Variants in FBLN2 observed in about 807,000 individuals in gnomAD.
FBLN2 encodes the protein fibulin 2.
FBLN2 carries 81 observed loss-of-function variants against 123.7 expected under a neutral mutation model. The observed-to-expected ratio is 0.65, with a 90% CI of 0.55 to 0.79. The LOEUF is 0.79. Among genes scored for constraint, FBLN2 ranks in the 30% least tolerant of loss-of-function variants. The pLI is 0.00. For synonymous variants in FBLN2, 699 were observed against 701.4 expected, an observed-to-expected ratio of 1.00 and a Z score of 0.05; for missense variants, 1,603 against 1,681.3, an observed-to-expected ratio of 0.95 and a Z score of 0.81.
At chr3:13,549,301 T>C in intron 1 of FBLN2, 93 bp downstream of exon 1, 1 of 838,826 alleles carries the variant, frequency 1.2e-6, no homozygotes, top group Non-Finnish European at 1.4e-6. Context: ...CACCGACGGC[T>C]CGGCGGACCC....
At chr3:13,560,503 T>C (rs1703574295) in intron 1 of FBLN2, among the ~76,000 whole-genome samples, 1 of 152,176 alleles carries the variant, frequency 6.6e-6, no homozygotes, top group African/African-American at 2.4e-5. Flanking sequence ...ACCTGTGTCA[T>C]CAGCCTCACC....
Position 13,608,161 on chromosome 3 carries a change from A to G in FBLN2, c.1406A>G (p.Asp469Gly), listed in dbSNP as rs764921625. 3 of 1,587,372 alleles carry G rather than the reference A, an allele frequency of 1.9e-6. No individual in the cohort carries two copies. The change falls in exon 3 of 18, where the codon GAC becomes GGC. Residue 469 changes from aspartate (D) to glycine (G), a missense_variant. Physicochemically the swap from Asp to Gly is moderately conservative, Grantham distance 94. Coordinates refer to ENST00000404922, the MANE Select transcript of FBLN2 (RefSeq NM_001004019.2). The part of the protein sequence containing the change: ...CLEIPESGTE[D>G]NVCRTAQRHC... The stretch of plus-strand genomic sequence containing the variant: ...GAGATCCCTGAGAGTGGCACTGAGG[A>G]CAACGTCTGCAGGTAGGGTGGGCTC...
intron 1 of FBLN2, 111 bp from the exon 2 acceptor site, chr3:13,570,204 G>A (rs532181265): frequency 4.5e-5 from 52 of 1,159,516 alleles, no homozygotes; most frequent in South Asian, 1.2e-4. Flanking sequence ...GGGGATGAGC[G>A]CATGCGTGTG....
intron 13 of FBLN2, 132 bp downstream of exon 13, chr3:13,629,424 C>A: frequency 7.8e-7 from 1 of 1,281,276 alleles, no homozygotes; most frequent in Non-Finnish European, 1.0e-6. Context: ...ACAAGGTCGC[C>A]TTCCAGCTGG....
chr3:13,574,464 A>G (rs1704068077), intron 2 of FBLN2, among the ~76,000 whole-genome samples: 1 of 152,150 alleles, frequency 6.6e-6, no homozygotes, highest in South Asian at 2.1e-4. Flanking sequence ...CCTTCTTCCC[A>G]GCCCAGGGAG....
chr3:13,618,151 G>T lies in FBLN2; in HGVS notation c.1805G>T (p.Gly602Val). 1 of 1,613,720 alleles carries T rather than the reference G, an allele frequency of 6.2e-7. No homozygotes were observed. Among genetic ancestry groups the T allele is most frequent in the Non-Finnish European group, 8.5e-7 (1 of 1,179,910 alleles). ...TEAELPNSLP[G>V]DDQDECLLLP... ...GCCGAGCTGCCGAACAGCCTGCCGG[G>T]CGATGACCAGGATGAGTGCCTTCTC... The change falls in exon 6 of 18, where the codon GGC (glycine) becomes GTC (valine). Residue 602 changes from glycine (G) to valine (V), a missense_variant. By Grantham distance (109) the Gly-to-Val change is moderately radical. Transcript: ENST00000404922.
chr3:13,613,820 A>G, intron 4 of FBLN2, 164 bp from the exon 5 acceptor site: 3 of 655,524 alleles, frequency 4.6e-6, no homozygotes, highest in South Asian at 4.8e-5. Context: ...CCTGTGCCAG[A>G]CTTGGGAAAT....
intron 1 of FBLN2, among the ~76,000 whole-genome samples, chr3:13,557,280 C>T (rs1360698457): frequency 1.3e-5 from 2 of 152,224 alleles, no homozygotes; most frequent in Non-Finnish European, 2.9e-5. Context: ...TAGTCTACTG[C>T]AGGGACACAT....
chr3:13,559,506 T>C (rs996223206), intron 1 of FBLN2, among the ~76,000 whole-genome samples: 4 of 152,112 alleles, frequency 2.6e-5, no homozygotes, highest in African/African-American at 9.7e-5. Flanking sequence ...CTGAGGTGGG[T>C]CTTATAGTCT....
At position 13,578,049 on chromosome 3, in the gene FBLN2, C is replaced by G. The variant is rs551164870; in HGVS notation, c.1306+6388C>G. 1.4e-4 allele frequency among the ~76,000 whole-genome samples: 22 copies of G among 152,320 alleles called. No homozygotes were observed. In the East Asian group the frequency reaches 4.0e-3, roughly 28 times the overall value. On this transcript the variant is annotated intron_variant, in intron 2 of 17. Coordinates refer to ENST00000404922, the MANE Select transcript of FBLN2 (RefSeq NM_001004019.2). ...CTGGGTGGCTGGTAGCTGGGTGCTC[C>G]CTGTGTTTGCCTGCCTGGGCAAAAT...
intron 1 of FBLN2, among the ~76,000 whole-genome samples, chr3:13,569,429 C>G (rs368606246): frequency 6.6e-6 from 1 of 151,274 alleles, no homozygotes; most frequent in African/African-American, 2.4e-5. Flanking sequence ...AGGGAGGTGG[C>G]GGGGCTGTTC....
Position 13,629,442 on chromosome 3 carries a change from C to T in FBLN2, c.2842+150C>T, listed in dbSNP as rs113408629. 198 of 1,131,276 alleles carry T rather than the reference C, an allele frequency of 1.8e-4. No homozygotes were observed. In the African/African-American group the frequency reaches 2.6e-3, roughly 15 times the overall value. 70.1% of individuals were successfully genotyped at this position (1,131,276 alleles called of 1,614,324 possible). On this transcript the variant is annotated intron_variant, in intron 13 of 17. Coordinates refer to ENST00000404922, the MANE Select transcript of FBLN2 (RefSeq NM_001004019.2). ...AGGTCGCCTTCCAGCTGGCCTCATC[C>T]TCCTGCTGGGCCTGCCAGGACCTGG...
At chr3:13,613,737 C>T (rs1705479209) in intron 4 of FBLN2, among the ~76,000 whole-genome samples, 1 of 152,156 alleles carries the variant, frequency 6.6e-6, no homozygotes, top group Non-Finnish European at 1.5e-5. Flanking sequence ...ATGAGTGTGG[C>T]TGGGGGGTTA....
Position 13,573,894 on chromosome 3 carries a change from C to CAAA in FBLN2, c.1306+2253_1306+2255dup, listed in dbSNP as rs34768387. ...CAGCCTGGGCGACAAGAGTGAAACTCAAAAAAAAAAAAAAAAAAAAAAGGG... is the reference window on the plus strand; with the variant it reads ...CAGCCTGGGCGACAAGAGTGAAACTCAAAAAAAAAAAAAAAAAAAAAAAAAGGG... On this transcript the variant is annotated intron_variant, in intron 2 of 17. Transcript: ENST00000404922. 6.7e-3 allele frequency among the ~76,000 whole-genome samples: 488 copies of CAAA among 72,854 alleles called. 2 individuals carry two copies. The highest frequency in any genetic ancestry group is 0.031 in the South Asian group (63 of 2,060). 47.8% of individuals were successfully genotyped at this position (72,854 alleles called of 152,430 possible). A position where few individuals can be genotyped will look rare whatever the true frequency, so the allele number is the denominator to read the frequency against.
chr3:13,577,684 A>G (rs569626851), intron 2 of FBLN2, among the ~76,000 whole-genome samples: 2 of 152,332 alleles, frequency 1.3e-5, no homozygotes, highest in South Asian at 2.1e-4. Flanking sequence ...ACAGCTGTGC[A>G]TAGAGGCTCT....
At chr3:13,634,751 G>A (rs778046284) in intron 16 of FBLN2, among the ~76,000 whole-genome samples, 1 of 152,244 alleles carries the variant, frequency 6.6e-6, no homozygotes, top group African/African-American at 2.4e-5. Context: ...GAGCTGACCC[G>A]CTACAAGAGA....
intron 1 of FBLN2, among the ~76,000 whole-genome samples, chr3:13,550,460 C>G (rs1703293172): frequency 6.6e-6 from 1 of 152,258 alleles, no homozygotes; most frequent in Non-Finnish European, 1.5e-5. Flanking sequence ...CAGGCGTCCC[C>G]TGACAGGCCA....
chr3:13,607,012 G>A lies in FBLN2; in HGVS notation c.1307-1050G>A, dbSNP rs535499257. 2.7e-5 allele frequency among the ~76,000 whole-genome samples: 4 copies of A among 150,798 alleles called. No homozygotes were observed. The South Asian group carries it at 8.4e-4, about 32-fold the overall frequency. On this transcript the variant is annotated intron_variant, in intron 2 of 17. Transcript: ENST00000404922. The stretch of plus-strand genomic sequence containing the variant: ...GTTTGTTTGTTTTTTCCCCGGGACG[G>A]AGTCTTGCTCTGTCACCCAGGCTGG...
rs1264932052 is a variant in FBLN2, at chr3:13,570,373, G to T, written c.18G>T (p.Glu6Asp). MVLLW[E>D]PAGAWLALGL... is the part of the protein sequence containing the mutation. The stretch of plus-strand genomic sequence containing the variant: ...CCTGGACCATGGTGCTGCTCTGGGA[G>T]CCTGCAGGAGCCTGGCTTGCTCTGG... Residue 6 changes from glutamate (E) to aspartate (D), a missense_variant, in exon 2 of 18, where the codon GAG (glutamate) becomes GAT (aspartate). By Grantham distance (45) the Glu-to-Asp change is conservative. Transcript: ENST00000404922. 1.3e-6 allele frequency: 2 copies of T among 1,567,216 alleles called. No homozygotes were observed. The highest frequency in any genetic ancestry group is 1.8e-5 in the Admixed American group (1 of 54,076).
Sources: gnomAD v4.1 joint callset for allele counts (sites outside exome capture counted in the v4.1 genomes callset) on GRCh38, gnomAD v4.1.1 for gene constraint, MANE v1.5 for transcripts, NCBI Gene and HGNC (gene_info 2026-07-23, HGNC 2026-07-21) for gene names.